RBFOX1: variants seen among roughly 807,000 people sequenced by gnomAD.
RBFOX1 encodes the protein RNA binding fox-1 homolog 1.
Under a neutral mutation model 57.7 loss-of-function variants are expected in RBFOX1, and 8 were observed. The ratio of observed to expected loss-of-function variants is 0.14; its 90% CI spans 0.08 to 0.25. The LOEUF (loss-of-function observed/expected upper bound fraction) is 0.25. RBFOX1 is among the 10% of genes least tolerant of loss of function. RBFOX1 has a pLI of 1.00. For missense variants in RBFOX1, 611 were observed against 548.5 expected (o/e 1.11, Z -1.14); for synonymous variants, 326 against 222.4 (o/e 1.47, Z -4.15).
At chr16:7,074,271 T>A (rs1393742027) in intron 4 of RBFOX1, among the ~76,000 whole-genome samples, 1 of 152,218 alleles carries the variant, frequency 6.6e-6, no homozygotes, top group African/African-American at 2.4e-5. Context: ...CATGATGAGT[T>A]CGCAGATGGG....
At chr16:6,393,988 C>A (rs916849167) in intron 2 of RBFOX1, among the ~76,000 whole-genome samples, 1 of 152,148 alleles carries the variant, frequency 6.6e-6, no homozygotes, top group Non-Finnish European at 1.5e-5. Flanking sequence ...TCTTGGAAGG[C>A]GTTTTCATTT....
Position 6,503,981 on chromosome 16 carries a change from C to G in RBFOX1, c.-63-150622C>G, listed in dbSNP as rs149752861. Among the ~76,000 whole-genome samples, 9 of 152,330 alleles carry G rather than the reference C, an allele frequency of 5.9e-5. No individual in the cohort carries two copies. In the East Asian group the frequency reaches 7.7e-4, roughly 13 times the overall value. ...CACTTGAATTCAAGATACATGTAGT[C>G]TCTCCCTTTTTAAGAGCAGCCTTCT... On this transcript the variant is annotated intron_variant, in intron 2 of 15. Coordinates refer to ENST00000550418, the MANE Select transcript of RBFOX1 (RefSeq NM_018723.4).
intron 2 of RBFOX1, among the ~76,000 whole-genome samples, chr16:6,596,317 A>G (rs1456269871): frequency 1.3e-5 from 2 of 152,130 alleles, no homozygotes; most frequent in Non-Finnish European, 2.9e-5. Context: ...TTGCATTTGT[A>G]TCTTTGCATA....
At chr16:6,940,071 A>G (rs2078093102) in intron 3 of RBFOX1, among the ~76,000 whole-genome samples, 1 of 152,168 alleles carries the variant, frequency 6.6e-6, no homozygotes, top group Admixed American at 6.5e-5. Context: ...AAAAAATAGT[A>G]ATCCCAGTTA....
At position 6,253,773 on chromosome 16, in the gene RBFOX1, G is replaced by A. The variant is rs118149804; in HGVS notation, c.-126-63222G>A. ...CTATATAAATTTGGAATTCAAAATT[G>A]TGCTGTCTTTCTCTTTCTTCTGAGT... On this transcript the variant is annotated intron_variant, in intron 1 of 15. Coordinates refer to ENST00000550418, the MANE Select transcript of RBFOX1 (RefSeq NM_018723.4). Among the ~76,000 whole-genome samples, 5 of 151,788 alleles carry A rather than the reference G, an allele frequency of 3.3e-5. No homozygotes were observed. The East Asian group carries it at 9.7e-4, about 29-fold the overall frequency.
chr16:6,371,591 T>C (rs968693767), intron 2 of RBFOX1, among the ~76,000 whole-genome samples: 1 of 152,138 alleles, frequency 6.6e-6, no homozygotes, highest in East Asian at 1.9e-4. Context: ...CAGGTATATC[T>C]TGACTTTTCT....
chr16:6,969,368 A>C lies in RBFOX1; in HGVS notation c.-15-82689A>C, dbSNP rs139431077. Among the ~76,000 whole-genome samples, 209 of 152,024 alleles carry C rather than the reference A, an allele frequency of 1.4e-3. 6 individuals carry two copies. The East Asian group carries it at 0.035, about 25-fold the overall frequency. On this transcript the variant is annotated intron_variant, in intron 3 of 15. Transcript: ENST00000550418. ...GTGTCATGCAGTGATTCCATATTTA[A>C]CTTAAAAATTTGGATATTTTGTTCA...
intron 4 of RBFOX1, among the ~76,000 whole-genome samples, chr16:7,404,441 T>C (rs2098300344): frequency 6.6e-6 from 1 of 152,192 alleles, no homozygotes; most frequent in African/African-American, 2.4e-5. Context: ...GATAGCTTCT[T>C]AGAGGTGAAT....
chr16:6,090,859 G>A (rs969399183), intron 1 of RBFOX1, among the ~76,000 whole-genome samples: 3 of 152,168 alleles, frequency 2.0e-5, no homozygotes, highest in Admixed American at 2.0e-4. Context: ...GAGAAGGGGT[G>A]CACAGTTGGT....
At chr16:7,616,060 G>A (rs764801443) in intron 10 of RBFOX1, among the ~76,000 whole-genome samples, 8 of 152,200 alleles carry the variant, frequency 5.3e-5, no homozygotes, top group Non-Finnish European at 1.5e-5. Context: ...ATTTACTCCA[G>A]AAGGGAAAAG....
intron 1 of RBFOX1, among the ~76,000 whole-genome samples, chr16:5,305,151 G>C (rs2151206280): frequency 6.6e-6 from 1 of 152,230 alleles, no homozygotes; most frequent in East Asian, 1.9e-4. Flanking sequence ...CAGAATGCTG[G>C]TTTGGTCAGA....
intron 1 of RBFOX1, among the ~76,000 whole-genome samples, chr16:5,405,525 C>G (rs550655976): frequency 6.6e-6 from 1 of 152,106 alleles, no homozygotes; most frequent in African/African-American, 2.4e-5. Flanking sequence ...TATAAATTAC[C>G]CAGTCTCAGG....
At position 5,734,796 on chromosome 16, in the gene RBFOX1, A is replaced by C. The variant is rs1033746940; in HGVS notation, c.319-132507A>C. On this transcript the variant is annotated intron_variant, in intron 3 of 19. Coordinates refer to the RBFOX1 transcript ENST00000641259. ...GCATATCCTTGGCTTGGATGAGCTC[A>C]GTGGGAGCTCATCCAAGAAGGAAGG... Among the ~76,000 whole-genome samples, 440 of 152,256 alleles carry C rather than the reference A, an allele frequency of 2.9e-3. 3 individuals are homozygous for C. Among genetic ancestry groups the C allele is most frequent in the African/African-American group, 1.0e-2 (415 of 41,560 alleles).
chr16:6,893,064 A>C (rs1027216134), intron 3 of RBFOX1, among the ~76,000 whole-genome samples: 1 of 152,158 alleles, frequency 6.6e-6, no homozygotes, highest in Admixed American at 6.5e-5. Flanking sequence ...TTCTCTTCAG[A>C]ACTTGTAAAA....
At chr16:6,035,309 C>T (rs766454842) in intron 1 of RBFOX1, among the ~76,000 whole-genome samples, 4 of 152,236 alleles carry the variant, frequency 2.6e-5, no homozygotes, top group East Asian at 3.9e-4. Context: ...TCAGCCGTCT[C>T]AGCCAAGGGA....
chr16:5,925,631 CAT>C (rs919474622), intron 4 of RBFOX1, among the ~76,000 whole-genome samples: 6 of 152,098 alleles, frequency 3.9e-5, no homozygotes, highest in African/African-American at 1.2e-4. Context: ...AAATGATTAA[CAT>C]AGTGAATTTT....
chr16:6,076,384 G>A lies in RBFOX1; in HGVS notation c.-127+56392G>A, dbSNP rs769099628. On this transcript the variant is annotated intron_variant, in intron 1 of 15. Transcript: ENST00000550418. ...CACCCCACCTCTTTGGGTTACATAT[G>A]CTTTTTAACTGTTTGACCTTCGGTA... 2.0e-5 allele frequency among the ~76,000 whole-genome samples: 3 copies of A among 152,020 alleles called. No individual in the cohort carries two copies. The East Asian group carries it at 5.8e-4, about 29-fold the overall frequency.
chr16:5,988,461 A>G (rs2060323795), intron 4 of RBFOX1, among the ~76,000 whole-genome samples: 1 of 152,122 alleles, frequency 6.6e-6, no homozygotes, highest in African/African-American at 2.4e-5. Flanking sequence ...TCTGATTGGG[A>G]TGAATTCCTG....
At chr16:5,759,608 A>G (rs779981723) in intron 3 of RBFOX1, among the ~76,000 whole-genome samples, 1 of 152,186 alleles carries the variant, frequency 6.6e-6, no homozygotes, top group Non-Finnish European at 1.5e-5. Flanking sequence ...CGCCAGTGCC[A>G]GGCATGTGCT....
Sources: allele counts gnomAD v4.1 joint callset (sites outside exome capture counted in the v4.1 genomes callset), GRCh38; gene constraint gnomAD v4.1.1; transcripts MANE v1.5; gene names NCBI Gene and HGNC (gene_info 2026-07-23, HGNC 2026-07-21).